Variants in ZNF552 observed in about 807,000 individuals in gnomAD.
ZNF552 encodes zinc finger protein 552.
Under a neutral mutation model 7.2 loss-of-function variants are expected in ZNF552, and 2 were observed. That is an observed-to-expected ratio of 0.28 (90% CI 0.11 to 0.88). The LOEUF (loss-of-function observed/expected upper bound fraction) is 0.88, where lower values mean the gene tolerates loss of function less well. ZNF552 is among the 40% of genes least tolerant of loss of function. ZNF552 has a pLI of 0.60. For missense variants in ZNF552, 421 were observed against 493.4 expected, an observed-to-expected ratio of 0.85 and a Z score of 1.39; for synonymous variants, 173 against 176.5, an observed-to-expected ratio of 0.98 and a Z score of 0.16.
At chr19:57,813,212 C>A in intron 2 of ZNF552, 82 bp downstream of exon 2, 3 of 1,589,452 alleles carry the variant, frequency 1.9e-6, no homozygotes, top group Non-Finnish European at 2.6e-6. Context: ...ATGCTCCTGA[C>A]ATGAGAAAGT....
chr19:57,812,640 C>T (rs894570820), intron 2 of ZNF552, among the ~76,000 whole-genome samples: 1 of 152,240 alleles, frequency 6.6e-6, no homozygotes, highest in Non-Finnish European at 1.5e-5. Context: ...ACAATCTCAG[C>T]TCACTGCAAC....
intron 2 of ZNF552, among the ~76,000 whole-genome samples, chr19:57,811,161 CTT>C (rs921761762): frequency 7.1e-6 from 1 of 141,462 alleles, no homozygotes; most frequent in Non-Finnish European, 1.6e-5. Flanking sequence ...GCCCACTTTT[CTT>C]TTTTTTTTTT....
Position 57,807,908 on chromosome 19 carries a change from T to G in ZNF552, c.*132A>C. ...AAATTTATTTTACTTGTAAGGACTC[T>G]TCTCTAGTGTGAACTCTCCAATATC... On this transcript the variant is annotated 3_prime_UTR_variant, in exon 3 of 3. Coordinates refer to ENST00000391701, the MANE Select transcript of ZNF552 (RefSeq NM_024762.3). 1.6e-6 allele frequency: 2 copies of G among 1,226,816 alleles called. No homozygotes were observed. Among genetic ancestry groups the G allele is most frequent in the South Asian group, 3.2e-5 (2 of 62,808 alleles). The allele number at this position is 1,226,816 out of a possible 1,614,324, so 76.0% of individuals were successfully genotyped here. A position where few individuals can be genotyped will look rare whatever the true frequency, so the allele number is the denominator to read the frequency against.
intron 2 of ZNF552, among the ~76,000 whole-genome samples, chr19:57,810,549 C>T (rs1485380292): frequency 1.3e-5 from 2 of 152,164 alleles, no homozygotes; most frequent in East Asian, 3.9e-4. Context: ...TAAACAAGTG[C>T]TTCAAGGCAG....
rs1987781018 is a variant in ZNF552 at position 57,808,281 on chromosome 19, T to C, written c.983A>G (p.Asp328Gly). Residue 328 changes from aspartate (D) to glycine (G), a missense_variant, in exon 3 of 3, where the codon GAT (aspartate) becomes GGT (glycine). Asp to Gly is a moderately conservative substitution (Grantham distance 94). Transcript: ENST00000391701. ...GCTGTGGGTAAATGACTTCCCACAA[T>C]CACTGCATTCATATGGCCTTTCTCC... is the stretch of plus-strand genomic sequence containing the variant. ...HTGERPYECSDCGKSFTHSST... is the reference protein window; with the variant it reads ...HTGERPYECSGCGKSFTHSST... 2.5e-6 allele frequency: 4 copies of C among 1,614,158 alleles called. No individual in the cohort carries two copies. The highest frequency in any genetic ancestry group is 3.4e-6 in the Non-Finnish European group (4 of 1,180,022).
rs531801644 is a variant in ZNF552 at position 57,814,380 on chromosome 19, T to C, written c.33+331A>G. 18 of 784,158 alleles carry C rather than the reference T, an allele frequency of 2.3e-5. No individual in the cohort carries two copies. The African/African-American group carries it at 2.6e-4, about 11-fold the overall frequency. 48.6% of individuals were successfully genotyped at this position (784,158 alleles called of 1,614,324 possible). Reference sequence around the variant, plus strand: ...TTCTTGGAAATTCTCCTATTTCTAGTGTCCTCGCAATGATTTCACAGCCCC... The same window carrying C: ...TTCTTGGAAATTCTCCTATTTCTAGCGTCCTCGCAATGATTTCACAGCCCC... On this transcript the variant is annotated intron_variant, in intron 1 of 2. Coordinates refer to ENST00000391701, the MANE Select transcript of ZNF552 (RefSeq NM_024762.3).
At chr19:57,813,724 G>A (rs1987901089) in intron 1 of ZNF552, among the ~76,000 whole-genome samples, 1 of 140,918 alleles carries the variant, frequency 7.1e-6, no homozygotes, top group African/African-American at 2.6e-5. Context: ...CTCTCTGAAC[G>A]CACCTCATTC....
In ZNF552 at chr19:57,810,125, AGAGG is replaced by A. The variant is rs530109132; in HGVS notation, c.161-1026_161-1023del. On this transcript the variant is annotated intron_variant, in intron 2 of 2. Coordinates refer to ENST00000391701, the MANE Select transcript of ZNF552 (RefSeq NM_024762.3). ...AACCTGTCTCAAAAAAGAAAAGAGA[AGAGG>A]AGAGGAGAGGGGAGGGAAAGGGAGA... is the stretch of plus-strand genomic sequence containing the variant. Among the ~76,000 whole-genome samples the A allele has an allele frequency of 3.2e-3, 489 of 151,700 alleles. 2 individuals carry two copies. The highest frequency in any genetic ancestry group is 0.012 in the African/African-American group (476 of 41,368).
chr19:57,810,785 T>G (rs551349483), intron 2 of ZNF552, among the ~76,000 whole-genome samples: 41 of 152,326 alleles, frequency 2.7e-4, no homozygotes, highest in African/African-American at 9.4e-4. Context: ...GGAGGGCATC[T>G]GTCTCCCGCT....
At position 57,807,416 on chromosome 19, in the gene ZNF552, G is replaced by A. The variant is rs754300943; in HGVS notation, c.*624C>T. 1 of 152,178 alleles carries A rather than the reference G, an allele frequency of 6.6e-6. No homozygotes were observed. Among genetic ancestry groups the A allele is most frequent in the African/African-American group, 2.4e-5 (1 of 41,416 alleles). The allele number at this position is 152,178 out of a possible 1,614,324, so 9.4% of individuals were successfully genotyped here. A position where few individuals can be genotyped will look rare whatever the true frequency, so the allele number is the denominator to read the frequency against. On this transcript the variant is annotated 3_prime_UTR_variant, in exon 3 of 3. Coordinates refer to ENST00000391701, the MANE Select transcript of ZNF552 (RefSeq NM_024762.3). ...TACTAAAAATACAAAAAAGGTAGGA[G>A]TGGTGGTGGTTGCCTGTAGTCCCAG...
Position 57,808,056 on chromosome 19 carries a change from T to G in ZNF552, c.1208A>C (p.Lys403Thr). Residue 403 changes from lysine to threonine, a missense_variant, in exon 3 of 3, where the codon AAA (lysine) becomes ACA (threonine). Around this residue, in one of 2 missense-constraint regions of ZNF552, gnomAD observed 299 missense variants for 293.7 expected, o/e 1.02. Coordinates refer to ENST00000391701, the MANE Select transcript of ZNF552 (RefSeq NM_024762.3). ...TCACTGCACTCATAAGCCCTTTCTT[T>G]TGTGAACTCTCTGATGATGACGAAG... ...SSLRHHQRVH[K>T]RKGL is the part of the protein sequence containing the mutation. The G allele has an allele frequency of 6.2e-7, 1 of 1,610,964 alleles. No individual in the cohort carries two copies. The highest frequency in any genetic ancestry group is 8.5e-7 in the Non-Finnish European group (1 of 1,178,378).
Position 57,808,716 on chromosome 19 carries a change from C to T in ZNF552, c.548G>A (p.Gly183Glu), listed in dbSNP as rs763947439. The T allele has an allele frequency of 1.2e-6, 2 of 1,614,072 alleles. No homozygotes were observed. Among genetic ancestry groups the T allele is most frequent in the African/African-American group, 1.3e-5 (1 of 74,924 alleles). Residue 183 changes from glycine to glutamate, a missense_variant, in exon 3 of 3, where the codon GGA becomes GAA. By Grantham distance (98) the Gly-to-Glu change is moderately conservative. Coordinates refer to ENST00000391701, the MANE Select transcript of ZNF552 (RefSeq NM_024762.3). ...GTGAGTGGCCTCTTGCTGGAGTAATCCTGACCTGAGCAAAAAGTCTTTCCC... is the reference window on the plus strand; with the variant it reads ...GTGAGTGGCCTCTTGCTGGAGTAATTCTGACCTGAGCAAAAAGTCTTTCCC... Reference protein sequence around the residue: ...ESGKDFLLRSGLLQQEATHTG... With the variant: ...ESGKDFLLRSELLQQEATHTG...
intron 2 of ZNF552, among the ~76,000 whole-genome samples, chr19:57,811,836 C>G (rs1057406311): frequency 1.3e-5 from 2 of 151,372 alleles, no homozygotes; most frequent in African/African-American, 4.9e-5. Context: ...TGAGACCAGC[C>G]TGGCCAATAT....
chr19:57,811,601 C>A (rs1179287899), intron 2 of ZNF552, among the ~76,000 whole-genome samples: 1 of 151,750 alleles, frequency 6.6e-6, no homozygotes, highest in East Asian at 1.9e-4. Context: ...GCCTGTAATC[C>A]CAGCTACTCA....
chr19:57,812,124 C>T (rs890296340), intron 2 of ZNF552, among the ~76,000 whole-genome samples: 2 of 151,662 alleles, frequency 1.3e-5, no homozygotes, highest in African/African-American at 2.4e-5. Flanking sequence ...GTGCTTCAGC[C>T]CAGGAGGCAG....
intron 2 of ZNF552, 90 bp downstream of exon 2, chr19:57,813,204 G>T (rs1238830188): frequency 3.8e-6 from 6 of 1,574,048 alleles, no homozygotes; most frequent in Non-Finnish European, 4.3e-6. Flanking sequence ...CTGTGTCCAT[G>T]CTCCTGACAT....
chr19:57,814,677 G>A (rs1292341903), intron 1 of ZNF552, 34 bp downstream of exon 1: 3 of 1,613,966 alleles, frequency 1.9e-6, no homozygotes, highest in African/African-American at 2.7e-5. Context: ...GTGACTAGGA[G>A]GTGACCGGAG....
Position 57,807,986 on chromosome 19 carries a change from G to C in ZNF552, c.*54C>G. On this transcript the variant is annotated 3_prime_UTR_variant, in exon 3 of 3. Coordinates refer to ENST00000391701, the MANE Select transcript of ZNF552 (RefSeq NM_024762.3). ...TTTTCCACATTTGCTGCAATCACAG[G>C]ATCTTACTCAGGTGTGTATTCTCCA... The C allele has an allele frequency of 6.6e-7, 1 of 1,520,048 alleles. No homozygotes were observed. Among genetic ancestry groups the C allele is most frequent in the South Asian group, 1.3e-5 (1 of 75,482 alleles). 94.2% of individuals were successfully genotyped at this position (1,520,048 alleles called of 1,614,324 possible).
intron 1 of ZNF552, 181 bp downstream of exon 1, chr19:57,814,530 T>C (rs1383662158): frequency 6.5e-7 from 1 of 1,538,622 alleles, no homozygotes; most frequent in Admixed American, 2.0e-5. Flanking sequence ...CCCCTCCCTG[T>C]ACCTGTCGCT....
Sources: gnomAD v4.1 joint callset for allele counts (sites outside exome capture counted in the v4.1 genomes callset) on GRCh38, gnomAD v4.1.1 for gene constraint, gnomAD v4.1.1 regional missense constraint, MANE v1.5 for transcripts, NCBI Gene and HGNC (gene_info 2026-07-23, HGNC 2026-07-21) for gene names.